Variants in ATRNL1 observed in about 807,000 individuals in gnomAD.
ATRNL1 encodes attractin-like protein 1.
Under a neutral mutation model 182.7 loss-of-function variants are expected in ATRNL1, and 95 were observed. The ratio of observed to expected loss-of-function variants is 0.52; its 90% confidence interval spans 0.44 to 0.62. The LOEUF is 0.62. Ranked by LOEUF, ATRNL1 falls within the 20% of genes least tolerant of loss-of-function variation. The pLI is 0.00. For missense variants in ATRNL1, 1,471 were observed against 1,679.5 expected (o/e 0.88, Z 2.17); for synonymous variants, 576 against 568.3 (o/e 1.01, Z -0.19).
Position 115,313,622 on chromosome 10 carries a change from G to A in ATRNL1, c.2819-1896G>A, listed in dbSNP as rs137886443. Among the ~76,000 whole-genome samples, 45 of 152,160 alleles carry A rather than the reference G, an allele frequency of 3.0e-4. 1 individual carries two copies. The highest frequency in any genetic ancestry group is 1.1e-3 in the African/African-American group (45 of 41,528). On this transcript the variant is annotated intron_variant, in intron 17 of 28. Coordinates refer to ENST00000355044, the MANE Select transcript of ATRNL1 (RefSeq NM_207303.4). ...ACTGGGTTGAACAATTCAGACTTTA[G>A]GTCAATAGGTGGTGTCCACAGGTAA...
intron 28 of ATRNL1, among the ~76,000 whole-genome samples, chr10:115,938,172 CTTA>C (rs1565501923): frequency 6.6e-6 from 1 of 152,098 alleles, no homozygotes; most frequent in Admixed American, 6.5e-5. Context: ...TATTACTGTA[CTTA>C]TTAATTGTTC....
At chr10:115,514,287 A>C (rs1554983360) in intron 24 of ATRNL1, among the ~76,000 whole-genome samples, 1 of 152,014 alleles carries the variant, frequency 6.6e-6, no homozygotes, top group African/African-American at 2.4e-5. Context: ...AGCTGGAATC[A>C]AAATAGCATT....
intron 20 of ATRNL1, among the ~76,000 whole-genome samples, chr10:115,397,412 T>G: frequency 6.6e-6 from 1 of 152,020 alleles, no homozygotes; most frequent in East Asian, 1.9e-4. Flanking sequence ...CATCCTAAAC[T>G]GAAATCGGTT....
At chr10:115,419,124 T>G (rs1255979749) in intron 20 of ATRNL1, among the ~76,000 whole-genome samples, 1 of 152,198 alleles carries the variant, frequency 6.6e-6, no homozygotes, top group Non-Finnish European at 1.5e-5. Context: ...ACATCAAAAT[T>G]CAAAATATGG....
At chr10:115,193,258 T>C (rs1374615608) in intron 8 of ATRNL1, among the ~76,000 whole-genome samples, 1 of 151,996 alleles carries the variant, frequency 6.6e-6, no homozygotes, top group Non-Finnish European at 1.5e-5. Context: ...GTTTTTTAGT[T>C]TTTATAGTGA....
intron 11 of ATRNL1, 67 bp from the exon 12 acceptor site, chr10:115,266,721 CTTATTTTTA>C: frequency 1.2e-6 from 1 of 815,192 alleles, no homozygotes; most frequent in Non-Finnish European, 2.0e-6. Context: ...TAAATCTATG[CTTATTTTTA>C]TAACTAAATC....
At chr10:115,534,695 C>T (rs1242833202) in intron 25 of ATRNL1, among the ~76,000 whole-genome samples, 1 of 151,894 alleles carries the variant, frequency 6.6e-6, no homozygotes, top group Non-Finnish European at 1.5e-5. Context: ...CAGTTTCTTC[C>T]TAGTCTCGAT....
At chr10:115,369,928 C>T (rs926571725) in intron 19 of ATRNL1, among the ~76,000 whole-genome samples, 2 of 152,202 alleles carry the variant, frequency 1.3e-5, no homozygotes, top group Non-Finnish European at 2.9e-5. Flanking sequence ...CCACCCAAAT[C>T]TCATCTTGAA....
chr10:115,225,099 C>T (rs1299075372), intron 9 of ATRNL1, among the ~76,000 whole-genome samples: 1 of 151,856 alleles, frequency 6.6e-6, no homozygotes, highest in African/African-American at 2.4e-5. Flanking sequence ...TTGTCTTTTC[C>T]ATGGACGATT....
chr10:115,215,053 T>C (rs554817570), intron 8 of ATRNL1, among the ~76,000 whole-genome samples: 1 of 152,310 alleles, frequency 6.6e-6, no homozygotes, highest in East Asian at 1.9e-4. Flanking sequence ...TTACTTACTG[T>C]AATTGCCTTC....
At chr10:115,421,677 C>T (rs1234516431) in intron 20 of ATRNL1, among the ~76,000 whole-genome samples, 5 of 152,058 alleles carry the variant, frequency 3.3e-5, no homozygotes, top group Non-Finnish European at 7.4e-5. Flanking sequence ...ACATTCTTTA[C>T]ATAATTAGAA....
intron 10 of ATRNL1, among the ~76,000 whole-genome samples, chr10:115,254,099 T>C (rs1851007382): frequency 6.6e-6 from 1 of 152,200 alleles, no homozygotes; most frequent in Admixed American, 6.5e-5. Flanking sequence ...TAAACATATG[T>C]GTGCATGTGT....
chr10:115,355,494 G>A (rs1856463818), intron 19 of ATRNL1, among the ~76,000 whole-genome samples: 1 of 152,086 alleles, frequency 6.6e-6, no homozygotes, highest in Non-Finnish European at 1.5e-5. Flanking sequence ...AGAAGCATAA[G>A]GAGCCCTTCT....
At chr10:115,693,505 A>G (rs1555048814) in intron 26 of ATRNL1, among the ~76,000 whole-genome samples, 2 of 152,160 alleles carry the variant, frequency 1.3e-5, no homozygotes, top group South Asian at 4.1e-4. Context: ...AAGACAATTC[A>G]AGATTAAAAA....
At chr10:115,133,398 C>T (rs1477349872) in intron 5 of ATRNL1, among the ~76,000 whole-genome samples, 1 of 152,090 alleles carries the variant, frequency 6.6e-6, no homozygotes, top group Non-Finnish European at 1.5e-5. Context: ...GGTTGCAATC[C>T]TAGTCTCTGA....
intron 27 of ATRNL1, among the ~76,000 whole-genome samples, chr10:115,744,056 C>T (rs1215077633): frequency 2.6e-5 from 4 of 151,910 alleles, no homozygotes; most frequent in Non-Finnish European, 5.9e-5. Context: ...TTGCTTATAA[C>T]TTCCTGTTAG....
At chr10:115,164,967 G>C (rs573038854) in intron 6 of ATRNL1, among the ~76,000 whole-genome samples, 1 of 152,078 alleles carries the variant, frequency 6.6e-6, no homozygotes, top group East Asian at 1.9e-4. Context: ...AGCTAGAAGA[G>C]AAGAAATGTT....
chr10:115,163,027 G>A (rs1554883624), intron 6 of ATRNL1, among the ~76,000 whole-genome samples: 1 of 151,518 alleles, frequency 6.6e-6, no homozygotes, highest in Non-Finnish European at 1.5e-5. Flanking sequence ...ATGGAAAGTG[G>A]GGTGGGGATG....
intron 19 of ATRNL1, among the ~76,000 whole-genome samples, chr10:115,359,527 TA>T (rs1363616361): frequency 6.6e-6 from 1 of 151,570 alleles, no homozygotes; most frequent in Non-Finnish European, 1.5e-5. Flanking sequence ...AACAGTGAAA[TA>T]ACACTGGCAG....
Sources: gnomAD v4.1 joint callset for allele counts (sites outside exome capture counted in the v4.1 genomes callset) on GRCh38, gnomAD v4.1.1 for gene constraint, MANE v1.5 for transcripts, NCBI Gene and HGNC (gene_info 2026-07-23, HGNC 2026-07-21) for gene names.